SPEGNB: variants seen among roughly 807,000 people sequenced by gnomAD.
SPEGNB encodes SPEG neighbor protein.
SPEGNB carries 12 observed loss-of-function variants against 18.3 expected under a neutral mutation model. The observed-to-expected ratio is 0.65, with a 90% confidence interval of 0.42 to 1.06. The LOEUF is 1.06. Among genes scored for constraint, SPEGNB ranks in the 50% least tolerant of loss-of-function variants. The pLI, the probability that SPEGNB is intolerant of heterozygous loss-of-function variation, is 0.00. For missense variants in SPEGNB, 273 were observed against 329.3 expected (o/e 0.83, Z 1.32); for synonymous variants, 113 against 138.8 (o/e 0.81, Z 1.31).
chr2:219,496,537 T>C lies in SPEGNB; in HGVS notation c.128+55T>C, dbSNP rs1012121585. 8.4e-6 allele frequency: 10 copies of C among 1,187,454 alleles called. No homozygotes were observed. In the East Asian group the frequency reaches 6.0e-4, roughly 72 times the overall value. 73.6% of individuals were successfully genotyped at this position (1,187,454 alleles called of 1,614,324 possible). A position where few individuals can be genotyped will look rare whatever the true frequency, so the allele number is the denominator to read the frequency against. On this transcript the variant is annotated intron_variant, in intron 2 of 4. Transcript: ENST00000651166. ...GAAGGGAGCTGCAGAGAGCGCACTCTTGAGTAGGGTTTGAGTAAGCGCTGA... is the reference window on the plus strand; with the variant it reads ...GAAGGGAGCTGCAGAGAGCGCACTCCTGAGTAGGGTTTGAGTAAGCGCTGA...
rs1351699876 is a variant in SPEGNB, at chr2:219,497,005, G to A, written c.325G>A (p.Val109Met). The part of the protein sequence containing the change: ...KYRYVFEDPD[V>M]VALVVRDGEL... ...CCGCTACGTCTTCGAGGACCCTGAC[G>A]TGGTGGCACTGGTGGTGCGCGACGG... The change falls in exon 3 of 5, where the codon GTG becomes ATG. Residue 109 changes from valine to methionine, a missense_variant. Val to Met is a conservative substitution (Grantham distance 21). Transcript: ENST00000651166. 2.3e-6 allele frequency: 3 copies of A among 1,302,618 alleles called. No homozygotes were observed. Among genetic ancestry groups the A allele is most frequent in the Non-Finnish European group, 3.0e-6 (3 of 987,674 alleles). The allele number at this position is 1,302,618 out of a possible 1,614,324, so 80.7% of individuals were successfully genotyped here. A position where few individuals can be genotyped will look rare whatever the true frequency, so the allele number is the denominator to read the frequency against.
At position 219,496,423 on chromosome 2, in the gene SPEGNB, C is replaced by A. The variant is rs1486817471; in HGVS notation, c.69C>A (p.Ile23=). 1 of 1,292,786 alleles carries A rather than the reference C, an allele frequency of 7.7e-7. No individual in the cohort carries two copies. The highest frequency in any genetic ancestry group is 1.5e-5 in the African/African-American group (1 of 65,696). The allele number at this position is 1,292,786 out of a possible 1,614,324, so 80.1% of individuals were successfully genotyped here. ...VAPAPGCTLD[I]NDPQVQSAAI... is the part of the protein sequence containing the mutation. ...CAGCTCCTGGATGTACCCTGGACAT[C>A]AATGACCCACAGGTCCAGAGTGCGG... The change falls in exon 2 of 5, where the codon ATC becomes ATA. Residue 23 remains isoleucine (I), a synonymous_variant. Transcript: ENST00000651166.
chr2:219,498,038 C>A lies in SPEGNB; in HGVS notation c.579-13C>A. The A allele has an allele frequency of 7.7e-7, 1 of 1,298,036 alleles. No homozygotes were observed. The highest frequency in any genetic ancestry group is 1.0e-6 in the Non-Finnish European group (1 of 985,472). The allele number at this position is 1,298,036 out of a possible 1,614,324, so 80.4% of individuals were successfully genotyped here. On this transcript the variant is annotated splice_polypyrimidine_tract_variant and intron_variant, in intron 4 of 4. Transcript: ENST00000651166. ...ACCACGGCTCCGCCCTCCTCCCCGCCGCCCTTCCGCAGGGTGTTCTTCGAG... is the reference window on the plus strand; with the variant it reads ...ACCACGGCTCCGCCCTCCTCCCCGCAGCCCTTCCGCAGGGTGTTCTTCGAG...
At position 219,498,176 on chromosome 2, in the gene SPEGNB, TCGACGTGGCCTGAAC is replaced by T; in HGVS notation, c.705_*2del. 1 of 1,303,938 alleles carries T rather than the reference TCGACGTGGCCTGAAC, an allele frequency of 7.7e-7. No homozygotes were observed. The highest frequency in any genetic ancestry group is 1.0e-6 in the Non-Finnish European group (1 of 988,760). 80.8% of individuals were successfully genotyped at this position (1,303,938 alleles called of 1,614,324 possible). On this transcript the variant is annotated stop_lost and 3_prime_UTR_variant, in exon 5 of 5. Coordinates refer to ENST00000651166, the MANE Select transcript of SPEGNB (RefSeq NM_001286811.2). Reference sequence around the variant, plus strand: ...GGCATGGACCAGAGCTTCGCTCGCGTCGACGTGGCCTGAACGGCACCCCCGGACCTTCCGCCCTGG... The same window carrying T: ...GGCATGGACCAGAGCTTCGCTCGCGTGGCACCCCCGGACCTTCCGCCCTGG...
At position 219,498,237 on chromosome 2, in the gene SPEGNB, G is replaced by C; in HGVS notation, c.*48G>C. On this transcript the variant is annotated 3_prime_UTR_variant, in exon 5 of 5. Coordinates refer to ENST00000651166, the MANE Select transcript of SPEGNB (RefSeq NM_001286811.2). The stretch of plus-strand genomic sequence containing the variant: ...CCTGGCGCCGAGCCCGGGGGTGGTG[G>C]GACCCACAGCCCTCCACCAGCTTGC... The C allele has an allele frequency of 1.6e-6, 2 of 1,284,190 alleles. No individual in the cohort carries two copies. The highest frequency in any genetic ancestry group is 2.0e-6 in the Non-Finnish European group (2 of 978,834). 79.5% of individuals were successfully genotyped at this position (1,284,190 alleles called of 1,614,324 possible). A position where few individuals can be genotyped will look rare whatever the true frequency, so the allele number is the denominator to read the frequency against.
At chr2:219,497,238 C>A in intron 3 of SPEGNB, 122 bp downstream of exon 3, 2 of 777,056 alleles carry the variant, frequency 2.6e-6, no homozygotes, top group Non-Finnish European at 3.3e-6. Flanking sequence ...GCCAGCCCAG[C>A]TCTGGGCACG....
chr2:219,496,535 T>C, intron 2 of SPEGNB, 53 bp downstream of exon 2: 1 of 1,189,018 alleles, frequency 8.4e-7, no homozygotes. Flanking sequence ...GAGAGCGCAC[T>C]CTTGAGTAGG....
At position 219,498,051 on chromosome 2, in the gene SPEGNB, G is replaced by A. The variant is rs1286314768; in HGVS notation, c.579G>A (p.Arg193=). 2.3e-6 allele frequency: 3 copies of A among 1,301,738 alleles called. No homozygotes were observed. The South Asian group carries it at 3.7e-5, about 16-fold the overall frequency. 80.6% of individuals were successfully genotyped at this position (1,301,738 alleles called of 1,614,324 possible). ...CCTCCTCCCCGCCGCCCTTCCGCAG[G>A]GTGTTCTTCGAGATCGGCAGCACCA... The part of the protein sequence containing the change: ...KDGEDIEEDD[R]VFFEIGSTTT... The change falls in exon 5 of 5, where the codon AGG becomes AGA. Residue 193 remains arginine (R), a splice_region_variant and synonymous_variant. Coordinates refer to ENST00000651166, the MANE Select transcript of SPEGNB (RefSeq NM_001286811.2).
intron 3 of SPEGNB, 67 bp from the exon 4 acceptor site, chr2:219,497,653 G>A: frequency 7.8e-7 from 1 of 1,274,514 alleles, no homozygotes; most frequent in African/African-American, 1.5e-5. Flanking sequence ...GGTATTAGCC[G>A]GTGAGGTGAT....
Position 219,497,005 on chromosome 2 carries a change from G to C in SPEGNB, c.325G>C (p.Val109Leu). ...KYRYVFEDPD[V>L]VALVVRDGEL... is the part of the protein sequence containing the mutation. ...CCGCTACGTCTTCGAGGACCCTGAC[G>C]TGGTGGCACTGGTGGTGCGCGACGG... Residue 109 changes from valine (V) to leucine (L), a missense_variant, in exon 3 of 5, where the codon GTG (valine) becomes CTG (leucine). Coordinates refer to ENST00000651166, the MANE Select transcript of SPEGNB (RefSeq NM_001286811.2). 1 of 1,302,738 alleles carries C rather than the reference G, an allele frequency of 7.7e-7. No individual in the cohort carries two copies. The highest frequency in any genetic ancestry group is 1.0e-6 in the Non-Finnish European group (1 of 987,666). 80.7% of individuals were successfully genotyped at this position (1,302,738 alleles called of 1,614,324 possible). A position where few individuals can be genotyped will look rare whatever the true frequency, so the allele number is the denominator to read the frequency against.
chr2:219,496,812 C>G lies in SPEGNB; in HGVS notation c.132C>G (p.Ser44=), dbSNP rs1694233368. 8.1e-7 allele frequency: 1 copy of G among 1,240,362 alleles called. No homozygotes were observed. Among genetic ancestry groups the G allele is most frequent in the Admixed American group, 2.5e-5 (1 of 39,558 alleles). The allele number at this position is 1,240,362 out of a possible 1,614,324, so 76.8% of individuals were successfully genotyped here. The change falls in exon 3 of 5, where the codon TCC becomes TCG. Residue 44 remains serine, a synonymous_variant. Coordinates refer to ENST00000651166, the MANE Select transcript of SPEGNB (RefSeq NM_001286811.2). ...CCCTGACTCGGCCCGCGGGTAGGTC[C>G]CGGAAGGAGCTGCGCGAGAAGGGGC... ...RIQASYRGHR[S]RKELREKGPP...
Position 219,498,196 on chromosome 2 carries a change from C to T in SPEGNB, c.*7C>T, listed in dbSNP as rs1205823153. 1.5e-6 allele frequency: 2 copies of T among 1,296,922 alleles called. No homozygotes were observed. The highest frequency in any genetic ancestry group is 2.0e-6 in the Non-Finnish European group (2 of 985,552). The allele number at this position is 1,296,922 out of a possible 1,614,324, so 80.3% of individuals were successfully genotyped here. A position where few individuals can be genotyped will look rare whatever the true frequency, so the allele number is the denominator to read the frequency against. ...TCGCGTCGACGTGGCCTGAACGGCA[C>T]CCCCGGACCTTCCGCCCTGGCGCCG... is the stretch of plus-strand genomic sequence containing the variant. On this transcript the variant is annotated 3_prime_UTR_variant, in exon 5 of 5. Transcript: ENST00000651166.
In SPEGNB at chr2:219,496,160, C is replaced by T. The variant is rs1443208263; in HGVS notation, c.-58C>T. Among the ~76,000 whole-genome samples the T allele has an allele frequency of 6.6e-6, 1 of 152,154 alleles. No individual in the cohort carries two copies. Among genetic ancestry groups the T allele is most frequent in the African/African-American group, 2.4e-5 (1 of 41,464 alleles). ...ACCCCTACTGTGCCATCCAGAAGGG[C>T]TCTGTGCTGCCTGCAATCCAGCCAG... On this transcript the variant is annotated 5_prime_UTR_variant, in exon 1 of 5. Coordinates refer to ENST00000651166, the MANE Select transcript of SPEGNB (RefSeq NM_001286811.2).
rs1002237220 is a variant in SPEGNB, at chr2:219,496,925, A to T, written c.245A>T (p.Asp82Val). The T allele has an allele frequency of 7.7e-7, 1 of 1,302,106 alleles. No individual in the cohort carries two copies. The highest frequency in any genetic ancestry group is 1.0e-6 in the Non-Finnish European group (1 of 987,122). The allele number at this position is 1,302,106 out of a possible 1,614,324, so 80.7% of individuals were successfully genotyped here. A position where few individuals can be genotyped will look rare whatever the true frequency, so the allele number is the denominator to read the frequency against. ...KLTCRISAFP[D>V]PFIRWSKDGK... ...ACTTGCCGCATTTCGGCTTTCCCGG[A>T]CCCATTCATCCGCTGGAGTAAGGAC... The change falls in exon 3 of 5, where the codon GAC becomes GTC. Residue 82 changes from aspartate (D) to valine (V), a missense_variant. Transcript: ENST00000651166.
rs12474050 is a variant in SPEGNB at position 219,497,835 on chromosome 2, C to A, written c.552C>A (p.Asp184Glu). 1,751 of 1,304,044 alleles carry A rather than the reference C, an allele frequency of 1.3e-3. 22 individuals carry two copies. In the African/African-American group the frequency reaches 0.024, roughly 18 times the overall value. 80.8% of individuals were successfully genotyped at this position (1,304,044 alleles called of 1,614,324 possible). ...CGCCCGACGTAGGCTGGACCAAGGA[C>A]GGGGAGGACATCGAGGAGGATGACA... The part of the protein sequence containing the change: ...EPAPDVGWTK[D>E]GEDIEEDDRV... The change falls in exon 4 of 5, where the codon GAC becomes GAA. Residue 184 changes from aspartate (D) to glutamate (E), a missense_variant. By Grantham distance (45) the Asp-to-Glu change is conservative. Coordinates refer to ENST00000651166, the MANE Select transcript of SPEGNB (RefSeq NM_001286811.2).
At chr2:219,497,458 C>T (rs1694251019) in intron 3 of SPEGNB, among the ~76,000 whole-genome samples, 1 of 152,248 alleles carries the variant, frequency 6.6e-6, no homozygotes, top group Admixed American at 6.5e-5. Flanking sequence ...GTCTCTGAGG[C>T]ACCGCGAGAT....
chr2:219,496,895 A>G lies in SPEGNB; in HGVS notation c.215A>G (p.Lys72Arg). The change falls in exon 3 of 5, where the codon AAG becomes AGG. Residue 72 changes from lysine (K) to arginine (R), a missense_variant. Lys to Arg is a conservative substitution (Grantham distance 26). Transcript: ENST00000651166. Reference sequence around the variant, plus strand: ...GTGCTGATCGAAGGCAGCGCGGCCAAGCTCACTTGCCGCATTTCGGCTTTC... The same window carrying G: ...GTGCTGATCGAAGGCAGCGCGGCCAGGCTCACTTGCCGCATTTCGGCTTTC... ...DVVLIEGSAAKLTCRISAFPD... is the reference protein window; with the variant it reads ...DVVLIEGSAARLTCRISAFPD... 3 of 1,296,958 alleles carry G rather than the reference A, an allele frequency of 2.3e-6. No individual in the cohort carries two copies. The highest frequency in any genetic ancestry group is 3.1e-6 in the Non-Finnish European group (3 of 983,506). The allele number at this position is 1,296,958 out of a possible 1,614,324, so 80.3% of individuals were successfully genotyped here. A position where few individuals can be genotyped will look rare whatever the true frequency, so the allele number is the denominator to read the frequency against.
At position 219,496,349 on chromosome 2, in the gene SPEGNB, C is replaced by A; in HGVS notation, c.1-6C>A. On this transcript the variant is annotated splice_polypyrimidine_tract_variant and splice_region_variant and intron_variant, in intron 1 of 4. Coordinates refer to ENST00000651166, the MANE Select transcript of SPEGNB (RefSeq NM_001286811.2). Reference sequence around the variant, plus strand: ...TGGACCCCCATATTTGTCGCCCACTCCCCAGATGTCTAAAGCAGCTCCTGC... The same window carrying A: ...TGGACCCCCATATTTGTCGCCCACTACCCAGATGTCTAAAGCAGCTCCTGC... 1.8e-6 allele frequency: 2 copies of A among 1,084,272 alleles called. No individual in the cohort carries two copies. The highest frequency in any genetic ancestry group is 1.2e-6 in the Non-Finnish European group (1 of 812,720). 67.2% of individuals were successfully genotyped at this position (1,084,272 alleles called of 1,614,324 possible).
At chr2:219,497,610 C>T in intron 3 of SPEGNB, 110 bp from the exon 4 acceptor site, 1 of 1,199,886 alleles carries the variant, frequency 8.3e-7, no homozygotes, top group Non-Finnish European at 1.1e-6. Flanking sequence ...CAACGTCACA[C>T]TGCGAGTTTA....
Sources: allele counts gnomAD v4.1 joint callset (sites outside exome capture counted in the v4.1 genomes callset), GRCh38; gene constraint gnomAD v4.1.1; transcripts MANE v1.5; gene names NCBI Gene and HGNC (gene_info 2026-07-23, HGNC 2026-07-21).